The following ADAMTSL2 variants were observed in gnomAD, a reference collection of about 807,000 sequenced individuals.
ADAMTSL2 encodes ADAMTS like 2.
Under a neutral mutation model 117.0 loss-of-function variants are expected in ADAMTSL2, and 55 were observed. The ratio of observed to expected loss-of-function variants is 0.47; its 90% confidence interval spans 0.38 to 0.59. The LOEUF (loss-of-function observed/expected upper bound fraction) is 0.59, where lower values mean the gene tolerates loss of function less well. ADAMTSL2 is among the 20% of genes least tolerant of loss of function. ADAMTSL2 has a pLI of 0.00. For synonymous variants in ADAMTSL2, 572 were observed against 566.4 expected (o/e 1.01, Z -0.14); for missense variants, 1,182 against 1,354.5 (o/e 0.87, Z 2.00).
At chr9:133,559,105 T>C (rs1380649276) in intron 11 of ADAMTSL2, among the ~76,000 whole-genome samples, 2 of 152,188 alleles carry the variant, frequency 1.3e-5, no homozygotes, top group African/African-American at 4.8e-5. Flanking sequence ...GTTGGATCTT[T>C]TCATCTCTTT....
rs1564503590 is a variant in ADAMTSL2 at position 133,554,690 on chromosome 9, C to T, written c.1273C>T (p.Arg425Ter). 4 of 1,488,682 alleles carry T rather than the reference C, an allele frequency of 2.7e-6. No homozygotes were observed. The highest frequency in any genetic ancestry group is 1.3e-5 in the South Asian group (1 of 75,054). The allele number at this position is 1,488,682 out of a possible 1,614,324, so 92.2% of individuals were successfully genotyped here. A position where few individuals can be genotyped will look rare whatever the true frequency, so the allele number is the denominator to read the frequency against. Residue 425 changes from arginine to a stop codon, truncating the protein, a stop_gained, in exon 10 of 19, where the codon CGA becomes TGA. Coordinates refer to ENST00000651351, the MANE Select transcript of ADAMTSL2 (RefSeq NM_014694.4). LOFTEE classifies it high-confidence loss of function. This position sits in a 1 kb window ranked among gnomAD's most constrained non-coding sequence, Gnocchi z 5.2. ...GGGGCCCCCCAGGGGCAAGGGCTTC[C>T]GAGGTAACCAGGAGGAGGGAGGCAT... ...CEGPPRGKGFRDRNVTGTPLT... is the reference protein window; with the variant it reads ...CEGPPRGKGF
intron 14 of ADAMTSL2, 47 bp from the exon 15 acceptor site, chr9:133,568,556 C>T (rs1831030710): frequency 6.4e-7 from 1 of 1,556,950 alleles, no homozygotes; most frequent in African/African-American, 1.4e-5. Flanking sequence ...ATGGAGGTGG[C>T]TACACCTGTG....
rs1361645449 is a variant in ADAMTSL2 at position 133,569,464 on chromosome 9, C to T, written c.2301C>T (p.Ser767=). 38 of 1,613,522 alleles carry T rather than the reference C, an allele frequency of 2.4e-5. No homozygotes were observed. Among genetic ancestry groups the T allele is most frequent in the South Asian group, 1.8e-4 (16 of 91,062 alleles). Residue 767 remains serine (S), a synonymous_variant, in exon 16 of 19, where the codon AGC becomes AGT. Coordinates refer to ENST00000651351, the MANE Select transcript of ADAMTSL2 (RefSeq NM_014694.4). ...RTIRHVYCKT[S]DGRVVPESQC... Reference sequence around the variant, plus strand: ...TCAGGCACGTGTACTGCAAGACCAGCGACGGACGGGTAGTACCTGAGTCCC... The same window carrying T: ...TCAGGCACGTGTACTGCAAGACCAGTGACGGACGGGTAGTACCTGAGTCCC...
intron 8 of ADAMTSL2, among the ~76,000 whole-genome samples, chr9:133,546,461 C>T (rs961840284): frequency 6.6e-6 from 1 of 152,106 alleles, no homozygotes; most frequent in Admixed American, 6.5e-5. Flanking sequence ...GGCCTGGGTG[C>T]ACGGGTTGAC....
chr9:133,565,426 A>G (rs1830943994), intron 12 of ADAMTSL2, among the ~76,000 whole-genome samples: 1 of 152,152 alleles, frequency 6.6e-6, no homozygotes, highest in Non-Finnish European at 1.5e-5. Flanking sequence ...ATAACCAGGC[A>G]CTTGGCGATG....
chr9:133,568,483 C>T lies in ADAMTSL2; in HGVS notation c.2085C>T (p.Ser695=), dbSNP rs1040323881. ...CGPQWEMSEW[S]ECTAKCGERS... ...CCCAGTGGGAGATGTCGGAGTGGTC[C>T]GAGGTGAGTGCCTGCGGGAGCAAGC... Residue 695 remains serine, a synonymous_variant, in exon 14 of 19, where the codon TCC becomes TCT. Transcript: ENST00000651351. 72 of 1,601,776 alleles carry T rather than the reference C, an allele frequency of 4.5e-5. No homozygotes were observed. In the African/African-American group the frequency reaches 5.1e-4, roughly 11 times the overall value.
chr9:133,533,270 G>T (rs1219263669), upstream of ADAMTSL2, among the ~76,000 whole-genome samples: 1 of 152,096 alleles, frequency 6.6e-6, no homozygotes. Flanking sequence ...CTGGGTTAGG[G>T]TTAGGGTTAG....
chr9:133,545,284 G>A (rs9696158), intron 8 of ADAMTSL2, among the ~76,000 whole-genome samples: 128,295 of 151,974 alleles, frequency 0.84, 54,939 homozygotes, highest in Non-Finnish European at 0.92. Flanking sequence ...TTGGGTATAG[G>A]GACGCTGTTC....
Position 133,554,703 on chromosome 9 carries a change from A to C in ADAMTSL2, c.1276+10A>C, listed in dbSNP as rs1014937246. Reference sequence around the variant, plus strand: ...GGCAAGGGCTTCCGAGGTAACCAGGAGGAGGGAGGCATGAGGGTGGGGCCC... The same window carrying C: ...GGCAAGGGCTTCCGAGGTAACCAGGCGGAGGGAGGCATGAGGGTGGGGCCC... On this transcript the variant is annotated intron_variant, in intron 10 of 18. Transcript: ENST00000651351. This position sits in a 1 kb window ranked among gnomAD's most constrained non-coding sequence, Gnocchi z 5.2. The C allele has an allele frequency of 6.8e-7, 1 of 1,478,412 alleles. No homozygotes were observed. The highest frequency in any genetic ancestry group is 1.4e-5 in the African/African-American group (1 of 71,074). The allele number at this position is 1,478,412 out of a possible 1,614,324, so 91.6% of individuals were successfully genotyped here. A position where few individuals can be genotyped will look rare whatever the true frequency, so the allele number is the denominator to read the frequency against.
At chr9:133,535,038 A>G in intron 1 of ADAMTSL2, 121 bp downstream of exon 1, 1 of 1,283,280 alleles carries the variant, frequency 7.8e-7, no homozygotes, top group Non-Finnish European at 9.9e-7. Flanking sequence ...TAACGTGGGG[A>G]GGCTTGTGGG....
At chr9:133,541,089 T>G in intron 7 of ADAMTSL2, 88 bp downstream of exon 7, 4 of 1,536,268 alleles carry the variant, frequency 2.6e-6, no homozygotes, top group Non-Finnish European at 2.6e-6. Context: ...GCCTCCTGTG[T>G]ACCACTGGGC....
chr9:133,568,969 C>T (rs2131181765), intron 15 of ADAMTSL2, among the ~76,000 whole-genome samples: 1 of 152,260 alleles, frequency 6.6e-6, no homozygotes, highest in South Asian at 2.1e-4. Flanking sequence ...GTTTATCTCT[C>T]TGTATCTCTC....
intron 12 of ADAMTSL2, among the ~76,000 whole-genome samples, chr9:133,564,664 GA>G (rs1830916664): frequency 7.1e-6 from 1 of 140,852 alleles, no homozygotes; most frequent in South Asian, 2.5e-4. Context: ...GAGGGAGAGA[GA>G]GAGGGAGAGG....
Position 133,541,010 on chromosome 9 carries a change from C to G in ADAMTSL2, c.682+9C>G. 6.2e-7 allele frequency: 1 copy of G among 1,612,214 alleles called. No individual in the cohort carries two copies. The highest frequency in any genetic ancestry group is 1.1e-5 in the South Asian group (1 of 90,866). ...GGGGAATGCCCACCTTGGTAAGCCA[C>G]AGCGCGCCCTGGAGTCCAAGCACAG... On this transcript the variant is annotated intron_variant, in intron 7 of 18. Coordinates refer to ENST00000651351, the MANE Select transcript of ADAMTSL2 (RefSeq NM_014694.4).
intron 9 of ADAMTSL2, among the ~76,000 whole-genome samples, chr9:133,552,633 C>T (rs1056046371): frequency 6.6e-6 from 1 of 152,208 alleles, no homozygotes; most frequent in African/African-American, 2.4e-5. Context: ...CTAGGATCAA[C>T]CTGAGGCCAT....
At chr9:133,541,082 T>C in intron 7 of ADAMTSL2, 81 bp downstream of exon 7, 1 of 1,549,296 alleles carries the variant, frequency 6.5e-7, no homozygotes, top group South Asian at 1.2e-5. Flanking sequence ...GTCTGCAGCC[T>C]CCTGTGTACC....
At chr9:133,555,335 A>G (rs1830581012) in intron 10 of ADAMTSL2, among the ~76,000 whole-genome samples, 1 of 151,922 alleles carries the variant, frequency 6.6e-6, no homozygotes, top group African/African-American at 2.4e-5. Context: ...TCAATCCACT[A>G]CAGAAGTCGA....
upstream of ADAMTSL2, chr9:133,534,265 G>C (rs1829995518): frequency 6.5e-6 from 1 of 154,112 alleles, no homozygotes; most frequent in Non-Finnish European, 1.4e-5. Context: ...GGGCACGGTC[G>C]TCCCGGAAGT....
chr9:133,568,890 C>T, intron 15 of ADAMTSL2, 132 bp downstream of exon 15: 1 of 1,216,416 alleles, frequency 8.2e-7, no homozygotes, highest in Non-Finnish European at 1.2e-6. Context: ...CCAGCCTTCT[C>T]CCATGTTATT....
Sources: allele counts gnomAD v4.1 joint callset (sites outside exome capture counted in the v4.1 genomes callset), GRCh38; gene constraint gnomAD v4.1.1; non-coding constraint Gnocchi (gnomAD v3.1); transcripts MANE v1.5; gene names NCBI Gene and HGNC (gene_info 2026-07-23, HGNC 2026-07-21).